NR1I3: variants seen among roughly 807,000 people sequenced by gnomAD.
NR1I3 encodes constitutive activator of retinoid response.
In NR1I3, 30 loss-of-function variants were observed where a neutral mutation model predicts 38.4. The ratio of observed to expected loss-of-function variants is 0.78; its 90% CI spans 0.58 to 1.06. The LOEUF (loss-of-function observed/expected upper bound fraction) is 1.06, where lower values mean the gene tolerates loss of function less well. Ranked by LOEUF, NR1I3 falls within the 50% of genes least tolerant of loss-of-function variation. The probability of loss-of-function intolerance (pLI) is 0.00; values close to 1 mark genes in which losing one functional copy is unlikely to be tolerated. For synonymous variants in NR1I3, 143 were observed against 165.1 expected (o/e 0.87, Z 1.03); for missense variants, 388 against 435.7 (o/e 0.89, Z 0.97).
At chr1:161,236,155 A>G in intron 2 of NR1I3, 178 bp from the exon 3 acceptor site, 1 of 732,870 alleles carries the variant, frequency 1.4e-6, no homozygotes, top group Admixed American at 3.0e-5. Context: ...GCAACACAGG[A>G]TCACTCCAGA....
Position 161,229,821 on chromosome 1 carries a change from C to T in NR1I3, c.1023G>A (p.Pro341=), listed in dbSNP as rs200228217. The change falls in exon 9 of 9, where the codon CCG becomes CCA. Residue 341 remains proline, a synonymous_variant. Coordinates refer to ENST00000367983, the MANE Select transcript of NR1I3 (RefSeq NM_005122.5). ...QHIQGLSAMM[P]LLQEICS The stretch of plus-strand genomic sequence containing the variant: ...CTCAGCTGCAGATCTCCTGGAGCAG[C>T]GGCATCATGGCAGACAGGCCCTGGA... The T allele has an allele frequency of 1.1e-4, 181 of 1,614,056 alleles. 1 individual carries two copies. The highest frequency in any genetic ancestry group is 1.4e-4 in the Non-Finnish European group (162 of 1,180,046).
rs149864108 is a variant in NR1I3, at chr1:161,231,333, G to A, written c.690C>T (p.Ala230=). The change falls in exon 6 of 9, where the codon GCC becomes GCT. Residue 230 remains alanine (A), a synonymous_variant. Transcript: ENST00000367983. ...GPLRYTIEDG[A]RVGFQVEFLE... is the part of the protein sequence containing the mutation. ...ATTGCTCTAGCACCATCTCACCACGGGCTCCATCTTCAATTGTGTAGCGAA... is the reference window on the plus strand; with the variant it reads ...ATTGCTCTAGCACCATCTCACCACGAGCTCCATCTTCAATTGTGTAGCGAA... The A allele has an allele frequency of 9.3e-5, 147 of 1,581,666 alleles. No homozygotes were observed. Among genetic ancestry groups the A allele is most frequent in the Non-Finnish European group, 1.2e-4 (141 of 1,164,600 alleles).
At chr1:161,237,291 C>G (rs528959028) in intron 1 of NR1I3, among the ~76,000 whole-genome samples, 1 of 150,976 alleles carries the variant, frequency 6.6e-6, no homozygotes, top group Non-Finnish European at 1.5e-5. Flanking sequence ...CTACAACCTC[C>G]GCCTCCCAGA....
chr1:161,233,065 A>T, intron 4 of NR1I3, 104 bp downstream of exon 4: 1 of 1,576,508 alleles, frequency 6.3e-7, no homozygotes, highest in Non-Finnish European at 8.7e-7. Flanking sequence ...GGTTCTGGAG[A>T]TCTGTTCTCA....
chr1:161,236,911 A>T (rs1417577137), intron 1 of NR1I3, among the ~76,000 whole-genome samples: 40 of 144,418 alleles, frequency 2.8e-4, no homozygotes, highest in East Asian at 1.7e-3. Flanking sequence ...TTATTTATTT[A>T]TTTATTTTTT....
chr1:161,238,038 TA>T lies in NR1I3; in HGVS notation c.-34+2del. 1.2e-6 allele frequency: 2 copies of T among 1,613,526 alleles called. No homozygotes were observed. The highest frequency in any genetic ancestry group is 1.7e-6 in the Non-Finnish European group (2 of 1,179,422). On this transcript the variant is annotated splice_donor_variant, in intron 1 of 8. Transcript: ENST00000367983. LOFTEE classifies it low-confidence loss of function (5UTR_SPLICE). ...AGTCTTTGGTCCCCAACAGATTTCC[TA>T]CCTGCTTCTCTTAGGCAGCATGTCA...
At chr1:161,230,184 C>G in intron 8 of NR1I3, 1 of 467,620 alleles carries the variant, frequency 2.1e-6, no homozygotes, top group Admixed American at 3.7e-5. Context: ...GAAGAAAGCT[C>G]CAGACTTGGC....
At chr1:161,232,151 TAA>T (rs1394427625) in intron 5 of NR1I3, among the ~76,000 whole-genome samples, 1 of 151,192 alleles carries the variant, frequency 6.6e-6, no homozygotes, top group African/African-American at 2.4e-5. Flanking sequence ...CACACCCAGC[TAA>T]GTTTTGTATT....
rs1668954913 is a variant in NR1I3, at chr1:161,238,165, G to A, written c.-158C>T. The A allele has an allele frequency of 6.3e-7, 1 of 1,589,758 alleles. No homozygotes were observed. Among genetic ancestry groups the A allele is most frequent in the Admixed American group, 1.7e-5 (1 of 59,456 alleles). ...AGGAGTTGCCAGTGATTGGAGTTAG[G>A]GATTATGACCCGTAGTATCTGGAAA... On this transcript the variant is annotated 5_prime_UTR_variant, in exon 1 of 9. Coordinates refer to ENST00000367983, the MANE Select transcript of NR1I3 (RefSeq NM_005122.5).
At chr1:161,236,722 T>C in intron 1 of NR1I3, 124 bp from the exon 2 acceptor site, 1 of 997,606 alleles carries the variant, frequency 1.0e-6, no homozygotes, top group East Asian at 2.9e-5. Context: ...CGTTATCTTT[T>C]GTGGTTTTCT....
In NR1I3 at chr1:161,230,910, C is replaced by T. The variant is rs765481537; in HGVS notation, c.820G>A (p.Gly274Arg). The T allele has an allele frequency of 6.2e-7, 1 of 1,614,098 alleles. No homozygotes were observed. The highest frequency in any genetic ancestry group is 1.7e-5 in the Admixed American group (1 of 60,010). ...TCAATCTCATCTCTCTGGGTAACTC[C>T]AGGTCGGTCTGTAAGATAGGGAGCT... ...AMALFSPDRPGVTQRDEIDQL... is the reference protein window; with the variant it reads ...AMALFSPDRPRVTQRDEIDQL... The change falls in exon 8 of 9, where the codon GGA (glycine) becomes AGA (arginine). Residue 274 changes from glycine (G) to arginine (R), a missense_variant. Gly to Arg is a moderately radical substitution (Grantham distance 125). Coordinates refer to ENST00000367983, the MANE Select transcript of NR1I3 (RefSeq NM_005122.5).
intron 3 of NR1I3, among the ~76,000 whole-genome samples, chr1:161,233,889 A>G (rs3003594): frequency 0.18 from 14,788 of 83,758 alleles, 965 homozygotes; most frequent in African/African-American, 0.26. Context: ...GTGTGTGTGT[A>G]TATGTGTGTG....
chr1:161,232,461 CTAATT>C (rs1197950075), intron 5 of NR1I3, among the ~76,000 whole-genome samples: 2 of 152,048 alleles, frequency 1.3e-5, no homozygotes, highest in African/African-American at 4.8e-5. Context: ...TCATGCCCAG[CTAATT>C]TTTGTATTTT....
At position 161,238,050 on chromosome 1, in the gene NR1I3, T is replaced by C. The variant is rs188975149; in HGVS notation, c.-43A>G. On this transcript the variant is annotated 5_prime_UTR_variant, in exon 1 of 9. Coordinates refer to ENST00000367983, the MANE Select transcript of NR1I3 (RefSeq NM_005122.5). ...CCAACAGATTTCCTACCTGCTTCTCTTAGGCAGCATGTCACCTGCAGGCCA... is the reference window on the plus strand; with the variant it reads ...CCAACAGATTTCCTACCTGCTTCTCCTAGGCAGCATGTCACCTGCAGGCCA... The C allele has an allele frequency of 1.2e-3, 2,016 of 1,613,932 alleles. 15 individuals carry two copies. The highest frequency in any genetic ancestry group is 8.0e-4 in the Non-Finnish European group (942 of 1,179,790).
rs746675954 is a variant in NR1I3, at chr1:161,233,136, T to A, written c.408+33A>T. Reference sequence around the variant, plus strand: ...CCAGCATTTTTGGGTGCCCTTTTAGTTGTATTCCAACCCAAATCCTGTCGG... The same window carrying A: ...CCAGCATTTTTGGGTGCCCTTTTAGATGTATTCCAACCCAAATCCTGTCGG... On this transcript the variant is annotated intron_variant, in intron 4 of 8. Transcript: ENST00000367983. 1.4e-5 allele frequency: 23 copies of A among 1,607,784 alleles called. No homozygotes were observed. In the South Asian group the frequency reaches 2.4e-4, roughly 17 times the overall value.
At chr1:161,230,555 C>A in intron 8 of NR1I3, 1 of 578,062 alleles carries the variant, frequency 1.7e-6, no homozygotes, top group Non-Finnish European at 3.1e-6. Flanking sequence ...TTACCCAGAG[C>A]CTCTGAGCTA....
chr1:161,232,861 T>C lies in NR1I3; in HGVS notation c.494A>G (p.Asn165Ser). The change falls in exon 5 of 9, where the codon AAC (asparagine) becomes AGC (serine). Residue 165 changes from asparagine to serine, a missense_variant. Transcript: ENST00000367983. Reference sequence around the variant, plus strand: ...GATGACTTGCAGTACCATGAAAGTGTTGATGTCTGCGAAGTGTGTGACCAG... The same window carrying C: ...GATGACTTGCAGTACCATGAAAGTGCTGATGTCTGCGAAGTGTGTGACCAG... The part of the protein sequence containing the change: ...LPLVTHFADI[N>S]TFMVLQVIKF... 3.7e-6 allele frequency: 6 copies of C among 1,614,224 alleles called. No individual in the cohort carries two copies. Among genetic ancestry groups the C allele is most frequent in the Non-Finnish European group, 5.1e-6 (6 of 1,180,030 alleles).
rs34161743 is a variant in NR1I3 at position 161,233,288 on chromosome 1, G to T, written c.289C>A (p.Arg97=). 3 of 1,614,134 alleles carry T rather than the reference G, an allele frequency of 1.9e-6. No homozygotes were observed. The highest frequency in any genetic ancestry group is 2.5e-6 in the Non-Finnish European group (3 of 1,180,030). Residue 97 remains arginine, a synonymous_variant, in exon 4 of 9, where the codon CGG becomes AGG. Coordinates refer to ENST00000367983, the MANE Select transcript of NR1I3 (RefSeq NM_005122.5). ...LALRRAKQAQ[R]RAQQTPVQLS... is the part of the protein sequence containing the mutation. ...TGCACAGGTGTTTGCTGTGCCCGCC[G>T]CTGGGCCTGCTTTGCTCGCCGCAAT...
chr1:161,234,882 G>A (rs1372582419), intron 3 of NR1I3, among the ~76,000 whole-genome samples: 1 of 152,178 alleles, frequency 6.6e-6, no homozygotes, highest in Non-Finnish European at 1.5e-5. Context: ...AAACACACCT[G>A]TAATCTGAGC....
Sources: gnomAD v4.1 joint callset for allele counts (sites outside exome capture counted in the v4.1 genomes callset) on GRCh38, gnomAD v4.1.1 for gene constraint, MANE v1.5 for transcripts, NCBI Gene and HGNC (gene_info 2026-07-23, HGNC 2026-07-21) for gene names.